CHRM3: variants seen among roughly 807,000 people sequenced by gnomAD.
The protein encoded by CHRM3 is muscarinic acetylcholine receptor M3.
In CHRM3, 11 loss-of-function variants were observed where a neutral mutation model predicts 41.8. That is an observed-to-expected ratio of 0.26 (90% CI 0.17 to 0.44). The LOEUF is 0.44. Ranked by LOEUF, CHRM3 falls within the 20% of genes least tolerant of loss-of-function variation. The pLI, the probability that CHRM3 is intolerant of heterozygous loss-of-function variation, is 1.00. For synonymous variants in CHRM3, 297 were observed against 301.4 expected, an observed-to-expected ratio of 0.99 and a Z score of 0.15; for missense variants, 571 against 745.4, an observed-to-expected ratio of 0.77 and a Z score of 2.72.
At chr1:239,757,087 T>C (rs1302745483) in intron 5 of CHRM3, among the ~76,000 whole-genome samples, 1 of 152,324 alleles carries the variant, frequency 6.6e-6, no homozygotes, top group East Asian at 1.9e-4. Context: ...TTCTCTCACA[T>C]GACATTGTGA....
At chr1:239,419,242 T>A (rs1249744985) in intron 1 of CHRM3, among the ~76,000 whole-genome samples, 1 of 152,198 alleles carries the variant, frequency 6.6e-6, no homozygotes, top group African/African-American at 2.4e-5. Context: ...TTCATGCTAT[T>A]GTCTCAATGA....
intron 6 of CHRM3, among the ~76,000 whole-genome samples, chr1:239,905,628 C>G (rs1679908866): frequency 6.6e-6 from 1 of 152,112 alleles, no homozygotes; most frequent in Non-Finnish European, 1.5e-5. Context: ...ATCACTTGAA[C>G]CTGGGAGGCA....
intron 3 of CHRM3, among the ~76,000 whole-genome samples, chr1:239,606,401 G>A (rs796474418): frequency 1.2e-4 from 18 of 151,832 alleles, no homozygotes; most frequent in Middle Eastern, 3.4e-3. Flanking sequence ...TCAGCCTCCC[G>A]AGTAGCTGGG....
At chr1:239,467,320 G>T (rs1408095778) in intron 1 of CHRM3, among the ~76,000 whole-genome samples, 1 of 151,010 alleles carries the variant, frequency 6.6e-6, no homozygotes, top group East Asian at 1.9e-4. Context: ...CTTTTTTTTT[G>T]AGACAGATTC....
At chr1:239,653,735 A>C (rs1192575998) in intron 4 of CHRM3, among the ~76,000 whole-genome samples, 1 of 152,196 alleles carries the variant, frequency 6.6e-6, no homozygotes, top group East Asian at 1.9e-4. Flanking sequence ...ATTTCTATGG[A>C]GGATCAGAGA....
chr1:239,407,405 A>AATATATATATATATATATATATATATAT (rs143680510), intron 1 of CHRM3, among the ~76,000 whole-genome samples: 9 of 137,004 alleles, frequency 6.6e-5, no homozygotes, highest in Non-Finnish European at 1.1e-4. Context: ...AATGACTATA[A>AATATATATATATATATATATATATATAT]ATATATATAT....
chr1:239,422,731 G>A (rs75805622), intron 1 of CHRM3, among the ~76,000 whole-genome samples: 1 of 151,898 alleles, frequency 6.6e-6, no homozygotes, highest in East Asian at 1.9e-4. Context: ...GGAGGCAGAG[G>A]TTTCAGTGAG....
intron 4 of CHRM3, among the ~76,000 whole-genome samples, chr1:239,659,019 C>T (rs1027238553): frequency 4.6e-5 from 7 of 151,958 alleles, no homozygotes; most frequent in African/African-American, 1.4e-4. Flanking sequence ...ATTATAGGTG[C>T]GAGCCACTTG....
intron 1 of CHRM3, among the ~76,000 whole-genome samples, chr1:239,404,400 G>T (rs1423355434): frequency 3.4e-5 from 2 of 59,002 alleles, no homozygotes; most frequent in Non-Finnish European, 3.3e-5. Context: ...AAGAAAGAAA[G>T]AAAGAAAGAA....
intron 3 of CHRM3, among the ~76,000 whole-genome samples, chr1:239,622,242 G>A (rs1310208961): frequency 6.6e-6 from 1 of 152,120 alleles, no homozygotes; most frequent in African/African-American, 2.4e-5. Flanking sequence ...GGTGTACAAG[G>A]AGGATATTAA....
intron 5 of CHRM3, among the ~76,000 whole-genome samples, chr1:239,689,769 A>C (rs1659528176): frequency 1.3e-5 from 2 of 152,188 alleles, no homozygotes; most frequent in Non-Finnish European, 2.9e-5. Context: ...CTGGTAGAGG[A>C]AGGTGTAAAG....
chr1:239,485,232 G>A (rs537306063), intron 1 of CHRM3, among the ~76,000 whole-genome samples: 1 of 152,272 alleles, frequency 6.6e-6, no homozygotes, highest in African/African-American at 2.4e-5. Context: ...CCATCCCAAA[G>A]GGGAGACCCT....
At position 239,909,835 on chromosome 1, in the gene CHRM3, T is replaced by C. The variant is rs1414400227; in HGVS notation, c.*611T>C. 6.0e-6 allele frequency: 1 copy of C among 167,142 alleles called. No homozygotes were observed. The highest frequency in any genetic ancestry group is 1.5e-5 in the Non-Finnish European group (1 of 68,380). The allele number at this position is 167,142 out of a possible 1,614,324, so 10.4% of individuals were successfully genotyped here. ...TCAAGTTTCGTACAAATAAAAATACTTAAGTATATATATATGTGTGAGTTC... is the reference window on the plus strand; with the variant it reads ...TCAAGTTTCGTACAAATAAAAATACCTAAGTATATATATATGTGTGAGTTC... On this transcript the variant is annotated 3_prime_UTR_variant, in exon 7 of 7. Coordinates refer to ENST00000676153, the MANE Select transcript of CHRM3 (RefSeq NM_001375978.1).
intron 6 of CHRM3, among the ~76,000 whole-genome samples, chr1:239,844,326 T>C (rs956063906): frequency 4.6e-5 from 7 of 152,318 alleles, no homozygotes; most frequent in African/African-American, 1.7e-4. Context: ...AGGGATTTGA[T>C]ATTTTTGGTG....
intron 6 of CHRM3, among the ~76,000 whole-genome samples, chr1:239,874,248 A>C (rs1428115484): frequency 9.9e-5 from 8 of 80,700 alleles, no homozygotes; most frequent in Admixed American, 4.9e-4. Flanking sequence ...ATATTCTAAT[A>C]TATATATAGC....
chr1:239,770,441 G>A (rs1667568550), intron 5 of CHRM3, among the ~76,000 whole-genome samples: 1 of 152,170 alleles, frequency 6.6e-6, no homozygotes, highest in East Asian at 1.9e-4. Flanking sequence ...TTTAACTTGG[G>A]ATTTGAGGAT....
chr1:239,677,565 G>A (rs542278452), intron 4 of CHRM3, among the ~76,000 whole-genome samples: 1 of 152,264 alleles, frequency 6.6e-6, no homozygotes, highest in East Asian at 1.9e-4. Context: ...TCACCACAAA[G>A]CAGAATGCTG....
chr1:239,619,447 G>A (rs974419011), intron 3 of CHRM3, among the ~76,000 whole-genome samples: 4 of 152,082 alleles, frequency 2.6e-5, no homozygotes, highest in African/African-American at 4.8e-5. Context: ...ACAAAATATA[G>A]CTACTTTCTA....
chr1:239,419,358 C>T (rs919324921), intron 1 of CHRM3, among the ~76,000 whole-genome samples: 25 of 142,208 alleles, frequency 1.8e-4, no homozygotes, highest in Non-Finnish European at 3.2e-4. Flanking sequence ...CAGGCCGACC[C>T]AGCCTTTTTT....
Sources: gnomAD v4.1 joint callset for allele counts (sites outside exome capture counted in the v4.1 genomes callset) on GRCh38, gnomAD v4.1.1 for gene constraint, MANE v1.5 for transcripts, NCBI Gene and HGNC (gene_info 2026-07-23, HGNC 2026-07-21) for gene names.